The following NCOA4 variants were observed in gnomAD, a reference collection of about 807,000 sequenced individuals.
NCOA4 encodes the protein nuclear receptor coactivator 4.
Under a neutral mutation model 69.5 loss-of-function variants are expected in NCOA4, and 31 were observed. The observed-to-expected ratio is 0.45, with a 90% CI of 0.34 to 0.60. The LOEUF is 0.60. NCOA4 is among the 20% of genes least tolerant of loss of function. The pLI is 0.02. For synonymous variants in NCOA4, 228 were observed against 252.4 expected (o/e 0.90, Z 0.92); for missense variants, 600 against 719.2 (o/e 0.83, Z 1.90).
intron 1 of NCOA4, among the ~76,000 whole-genome samples, chr10:46,022,819 T>C (rs1165317225): frequency 2.6e-5 from 4 of 152,202 alleles, no homozygotes; most frequent in Non-Finnish European, 5.9e-5. Flanking sequence ...CATCTTACCT[T>C]AGCCCCAGCC....
chr10:46,026,274 C>G (rs1018348157), intron 1 of NCOA4, among the ~76,000 whole-genome samples: 2 of 152,166 alleles, frequency 1.3e-5, no homozygotes, highest in African/African-American at 4.8e-5. Flanking sequence ...AAAGTATGAT[C>G]CCAGAATAAG....
At chr10:46,027,360 CAAA>C (rs1443290653) in intron 1 of NCOA4, 2 of 1,353,374 alleles carry the variant, frequency 1.5e-6, no homozygotes, top group African/African-American at 1.5e-5. Context: ...ATTTAACAAT[CAAA>C]GAAGATAAGC....
chr10:46,014,954 A>C lies in NCOA4; in HGVS notation c.283-12T>G. The C allele has an allele frequency of 6.2e-7, 1 of 1,612,002 alleles. No individual in the cohort carries two copies. Among genetic ancestry groups the C allele is most frequent in the Non-Finnish European group, 8.5e-7 (1 of 1,178,568 alleles). Reference sequence around the variant, plus strand: ...AACTGGCCCAATAACTAAAAGAAAAATGAAACCAACTAGCCACAATGACAC... The same window carrying C: ...AACTGGCCCAATAACTAAAAGAAAACTGAAACCAACTAGCCACAATGACAC... On this transcript the variant is annotated splice_polypyrimidine_tract_variant and intron_variant, in intron 3 of 9. Coordinates refer to ENST00000581486, the MANE Select transcript of NCOA4 (RefSeq NM_001145263.2).
At chr10:46,014,679 T>C (rs17776547) in intron 4 of NCOA4, 127 bp from the exon 5 acceptor site, 26,488 of 793,490 alleles carry the variant, frequency 0.033, 566 homozygotes, top group East Asian at 0.086. Flanking sequence ...CAACCAAAGA[T>C]AGATGGCTTA....
At chr10:46,008,560 T>C (rs1482333514) in intron 9 of NCOA4, among the ~76,000 whole-genome samples, 1 of 152,218 alleles carries the variant, frequency 6.6e-6, no homozygotes, top group African/African-American at 2.4e-5. Context: ...AGTTGCTTCT[T>C]ACGGATGAGC....
chr10:46,009,057 A>G (rs1482439591), intron 9 of NCOA4: 20 of 1,060,992 alleles, frequency 1.9e-5, no homozygotes, highest in Admixed American at 7.4e-5. Context: ...ATGGGAAACC[A>G]AAGTATTTGT....
At chr10:46,017,112 C>G (rs1554923467) in intron 1 of NCOA4, among the ~76,000 whole-genome samples, 5 of 152,176 alleles carry the variant, frequency 3.3e-5, no homozygotes, top group Non-Finnish European at 1.5e-5. Flanking sequence ...TCTTTGATTA[C>G]TTTCAAAATA....
chr10:46,021,216 A>G (rs10761618), intron 1 of NCOA4, among the ~76,000 whole-genome samples: 37,592 of 152,180 alleles, frequency 0.25, 5,515 homozygotes, highest in South Asian at 0.52. Flanking sequence ...AAATTTCCAA[A>G]GAGCTTTAAC....
chr10:46,015,586 G>C (rs2132342091), intron 2 of NCOA4, among the ~76,000 whole-genome samples: 1 of 152,208 alleles, frequency 6.6e-6, no homozygotes, highest in South Asian at 2.1e-4. Flanking sequence ...CCTTCTAAGA[G>C]GATTAGGTTT....
chr10:46,019,335 G>A (rs1353871896), intron 1 of NCOA4: 1 of 985,282 alleles, frequency 1.0e-6, no homozygotes, highest in Non-Finnish European at 1.2e-6. Context: ...GTATCACATG[G>A]GTGAAATGCC....
rs529643221 is a variant in NCOA4 at position 46,006,482 on chromosome 10, ACTAAG to A, written c.*105_*109del. On this transcript the variant is annotated 3_prime_UTR_variant, in exon 10 of 10. Transcript: ENST00000581486. ...TAGTTCAAAATTAGGCAGGAGAAGA[ACTAAG>A]CTAATTGGTCAGACCCAGAAACACA... 3.6e-3 allele frequency: 4,398 copies of A among 1,232,930 alleles called. 10 individuals carry two copies. Among genetic ancestry groups the A allele is most frequent in the Non-Finnish European group, 4.7e-3 (3,897 of 834,722 alleles). 76.4% of individuals were successfully genotyped at this position (1,232,930 alleles called of 1,614,324 possible).
At chr10:46,011,449 G>A (rs1262937382) in intron 7 of NCOA4, among the ~76,000 whole-genome samples, 2 of 128,492 alleles carry the variant, frequency 1.6e-5, no homozygotes, top group African/African-American at 3.0e-5. Context: ...TTTTTTTTTT[G>A]TATTTTTAGT....
chr10:46,016,970 A>C (rs1839596811), intron 1 of NCOA4, among the ~76,000 whole-genome samples: 1 of 152,226 alleles, frequency 6.6e-6, no homozygotes, highest in Non-Finnish European at 1.5e-5. Flanking sequence ...CCTGAATCAA[A>C]GAGCATACAG....
chr10:46,024,985 T>C (rs1840081675), intron 1 of NCOA4, among the ~76,000 whole-genome samples: 1 of 152,102 alleles, frequency 6.6e-6, no homozygotes, highest in Admixed American at 6.5e-5. Context: ...TATACAGATA[T>C]AGATATGAGA....
chr10:46,013,287 A>G (rs1313725930), intron 6 of NCOA4, among the ~76,000 whole-genome samples: 2 of 152,228 alleles, frequency 1.3e-5, no homozygotes, highest in African/African-American at 4.8e-5. Flanking sequence ...AGGATCGCTC[A>G]CAGAGAACCA....
At position 46,009,270 on chromosome 10, in the gene NCOA4, C is replaced by A; in HGVS notation, c.1839+141G>T. On this transcript the variant is annotated intron_variant, in intron 9 of 9. Coordinates refer to ENST00000581486, the MANE Select transcript of NCOA4 (RefSeq NM_001145263.2). ...TACATCAACTTTTTATGAGCTCCCC[C>A]GTCCCACCCTCACTTGCCTAATATA... The A allele has an allele frequency of 3.4e-6, 5 of 1,478,836 alleles. 1 individual carries two copies. In the South Asian group the frequency reaches 5.9e-5, roughly 17 times the overall value. 91.6% of individuals were successfully genotyped at this position (1,478,836 alleles called of 1,614,324 possible). A position where few individuals can be genotyped will look rare whatever the true frequency, so the allele number is the denominator to read the frequency against.
intron 6 of NCOA4, 59 bp downstream of exon 6, chr10:46,013,491 C>A: frequency 7.9e-7 from 1 of 1,271,328 alleles, no homozygotes; most frequent in East Asian, 2.3e-5. Flanking sequence ...CTATATAAAA[C>A]CCAAAGGAAG....
In NCOA4 at chr10:46,012,943, G is replaced by GT. The variant is rs1554922070; in HGVS notation, c.653dup (p.Tyr218Ter). The GT allele has an allele frequency of 6.2e-7, 1 of 1,614,188 alleles. No homozygotes were observed. The highest frequency in any genetic ancestry group is 8.5e-7 in the Non-Finnish European group (1 of 1,180,010). The change falls in exon 7 of 10, where the codon TAC (tyrosine) becomes TAAC (stop). Residue 218 changes from tyrosine to a stop codon, truncating the protein, a stop_gained and frameshift_variant. Transcript: ENST00000581486. LOFTEE classifies it high-confidence loss of function. ...AGTCCTGGGGGTCGGTGCTGGGTAT[G>GT]TAAGGAGCTTGATAACCACTGGCAG... ...SKPASGYQAPYIPSTDPQDWL... is the reference protein window; with the variant it reads ...SKPASGYQAP
At chr10:46,026,201 T>A (rs1474321204) in intron 1 of NCOA4, among the ~76,000 whole-genome samples, 6 of 152,246 alleles carry the variant, frequency 3.9e-5, no homozygotes, top group African/African-American at 1.4e-4. Context: ...AAAATGTTTC[T>A]AGCACAACTA....
Sources: gnomAD v4.1 joint callset for allele counts (sites outside exome capture counted in the v4.1 genomes callset) on GRCh38, gnomAD v4.1.1 for gene constraint, MANE v1.5 for transcripts, NCBI Gene and HGNC (gene_info 2026-07-23, HGNC 2026-07-21) for gene names.